RBM19: variants seen among roughly 807,000 people sequenced by gnomAD.
RBM19 encodes the protein probable RNA-binding protein 19.
A neutral mutation model predicts 116.8 loss-of-function variants in RBM19; 94 were observed. That is an observed-to-expected ratio of 0.80 (90% CI 0.68 to 0.95). The LOEUF is 0.95. Ranked by LOEUF, RBM19 falls within the 40% of genes least tolerant of loss-of-function variation. The pLI is 0.00. For synonymous variants in RBM19, 475 were observed against 494.1 expected (o/e 0.96, Z 0.51); for missense variants, 1,161 against 1,220.7 (o/e 0.95, Z 0.73).
rs1363371996 is a variant in RBM19, at chr12:113,903,368, A to G, written c.2558+11601T>C. 1.3e-5 allele frequency among the ~76,000 whole-genome samples: 2 copies of G among 152,246 alleles called. No individual in the cohort carries two copies. Among genetic ancestry groups the G allele is most frequent in the African/African-American group, 4.8e-5 (2 of 41,468 alleles). ...GTAGTCCATTCCTATTTATGGCCGAATAACATTCCATTGTATGAATACACC... is the reference window on the plus strand; with the variant it reads ...GTAGTCCATTCCTATTTATGGCCGAGTAACATTCCATTGTATGAATACACC... On this transcript the variant is annotated intron_variant, in intron 21 of 23. Coordinates refer to ENST00000261741, the MANE Select transcript of RBM19 (RefSeq NM_016196.4). The surrounding 1 kb of genome is among the most constrained non-coding windows in gnomAD (Gnocchi z 5.1).
rs542755210 is a variant in RBM19, at chr12:113,871,880, G to A, written c.2559-12984C>T. ...GCGGACGGGCCCCGCGGGGCCGGAG[G>A]GCAAGGAGCAGCCGCCTGCCTTGGC... On this transcript the variant is annotated intron_variant, in intron 21 of 23. Transcript: ENST00000261741. 8.9e-3 allele frequency among the ~76,000 whole-genome samples: 1,361 copies of A among 152,106 alleles called. 9 individuals carry two copies. The highest frequency in any genetic ancestry group is 0.015 in the Non-Finnish European group (1,047 of 67,966).
intron 1 of RBM19, among the ~76,000 whole-genome samples, chr12:113,963,251 C>T (rs1030703663): frequency 6.6e-6 from 1 of 152,190 alleles, no homozygotes; most frequent in Non-Finnish European, 1.5e-5. Flanking sequence ...AAAAAACTAA[C>T]ACACTATTAT....
At chr12:113,920,571 A>C in intron 19 of RBM19, 40 bp downstream of exon 19, 4 of 1,568,438 alleles carry the variant, frequency 2.6e-6, no homozygotes, top group Non-Finnish European at 3.5e-6. Context: ...ACTACCTGCC[A>C]AGTGCCTCCG....
chr12:113,939,971 C>T lies in RBM19; in HGVS notation c.1927G>A (p.Ala643Thr), dbSNP rs1870408916. The T allele has an allele frequency of 1.9e-6, 3 of 1,613,878 alleles. No individual in the cohort carries two copies. Among genetic ancestry groups the T allele is most frequent in the Non-Finnish European group, 1.7e-6 (2 of 1,180,022 alleles). Residue 643 changes from alanine (A) to threonine (T), a missense_variant, in exon 15 of 24, where the codon GCC (alanine) becomes ACC (threonine). Coordinates refer to ENST00000261741, the MANE Select transcript of RBM19 (RefSeq NM_016196.4). ...LEARKAFRHL[A>T]YSKFHHVPLY... is the part of the protein sequence containing the mutation. ...TCCAGCAGCCCTACCTTGGAATAGG[C>T]CAGATGCCTGAAGGCCTTGCGGGCC...
intron 13 of RBM19, among the ~76,000 whole-genome samples, chr12:113,943,437 C>G (rs942661916): frequency 3.9e-5 from 6 of 152,160 alleles, no homozygotes; most frequent in Non-Finnish European, 8.8e-5. Context: ...CCAAAGTGCT[C>G]TCCGTGGAAA....
intron 10 of RBM19, among the ~76,000 whole-genome samples, chr12:113,947,752 C>T (rs1031825127): frequency 2.6e-5 from 4 of 152,222 alleles, no homozygotes; most frequent in Non-Finnish European, 5.9e-5. Context: ...TGCGTTCATG[C>T]GTGCATAGTG....
downstream of RBM19, among the ~76,000 whole-genome samples, chr12:113,819,068 G>T (rs1287949263): frequency 6.6e-6 from 1 of 152,212 alleles, no homozygotes. Context: ...CTGAACACAA[G>T]CCTCTTGATA....
intron 18 of RBM19, among the ~76,000 whole-genome samples, chr12:113,921,963 G>T (rs1051574345): frequency 3.9e-5 from 6 of 152,186 alleles, no homozygotes; most frequent in African/African-American, 1.4e-4. Flanking sequence ...GCCAGCAAGA[G>T]GCTCTGATCT....
In RBM19 at chr12:113,958,037, G is replaced by C. The variant is rs111629464; in HGVS notation, c.585C>G (p.Leu195=). ...CCTTCTGCACAGCTGCCTTTGGTTC[G>C]AGGCTTGCCTCTTCTGGAAAAACAG... ...AGEDLEEEAS[L]EPKAAVQKEL... is the part of the protein sequence containing the mutation. Residue 195 remains leucine, a synonymous_variant, in exon 6 of 24, where the codon CTC becomes CTG. Transcript: ENST00000261741. 6.8e-5 allele frequency: 109 copies of C among 1,610,378 alleles called. No homozygotes were observed. Among genetic ancestry groups the C allele is most frequent in the Non-Finnish European group, 9.0e-5 (106 of 1,178,322 alleles).
At chr12:113,900,524 G>C (rs1881621209) in intron 21 of RBM19, among the ~76,000 whole-genome samples, 1 of 152,172 alleles carries the variant, frequency 6.6e-6, no homozygotes, top group Non-Finnish European at 1.5e-5. Context: ...AACCCTTCAT[G>C]GAATCATTCA....
chr12:113,925,223 T>G (rs1868960308), intron 17 of RBM19, among the ~76,000 whole-genome samples: 1 of 152,142 alleles, frequency 6.6e-6, no homozygotes, highest in South Asian at 2.1e-4. Flanking sequence ...TTTACCTGGT[T>G]CCCGGCTACG....
chr12:113,902,577 CAACAG>C (rs1397200029), intron 21 of RBM19, among the ~76,000 whole-genome samples: 1 of 108,410 alleles, frequency 9.2e-6, no homozygotes, highest in Non-Finnish European at 1.8e-5. Flanking sequence ...CTAGCCTGGA[CAACAG>C]AATGAGACCC....
chr12:113,863,549 C>A (rs1333768893), intron 21 of RBM19, among the ~76,000 whole-genome samples: 1 of 152,164 alleles, frequency 6.6e-6, no homozygotes, highest in Non-Finnish European at 1.5e-5. Context: ...AAGTGGGGGT[C>A]AAACCTAGGG....
At chr12:113,876,543 C>A (rs1879681462) in intron 21 of RBM19, among the ~76,000 whole-genome samples, 1 of 152,132 alleles carries the variant, frequency 6.6e-6, no homozygotes. Context: ...GTAATCCCAG[C>A]ACTTTGGGAG....
In RBM19 at chr12:113,822,995, T is replaced by C. The variant is rs1397472174; in HGVS notation, c.*229A>G. On this transcript the variant is annotated 3_prime_UTR_variant, in exon 24 of 24. Coordinates refer to ENST00000261741, the MANE Select transcript of RBM19 (RefSeq NM_016196.4). ...TGTCTGCTACAGAGCAGGTGCGCAG[T>C]CAGTGTCTGCTAGAACGCGTCACTG... is the stretch of plus-strand genomic sequence containing the variant. The C allele has an allele frequency of 3.7e-6, 2 of 545,024 alleles. No homozygotes were observed. Among genetic ancestry groups the C allele is most frequent in the East Asian group, 6.4e-5 (2 of 31,242 alleles). The allele number at this position is 545,024 out of a possible 1,614,324, so 33.8% of individuals were successfully genotyped here. A position where few individuals can be genotyped will look rare whatever the true frequency, so the allele number is the denominator to read the frequency against.
intron 21 of RBM19, among the ~76,000 whole-genome samples, chr12:113,881,142 C>T (rs1740712182): frequency 6.6e-6 from 1 of 152,180 alleles, no homozygotes; most frequent in Non-Finnish European, 1.5e-5. Flanking sequence ...GGAACACGCA[C>T]TGTCTTGGAT....
intron 23 of RBM19, among the ~76,000 whole-genome samples, chr12:113,838,671 T>G (rs1038781674): frequency 6.6e-6 from 1 of 152,222 alleles, no homozygotes; most frequent in Admixed American, 6.5e-5. Flanking sequence ...GGCCGCCAAG[T>G]AAGGCTTGAC....
At chr12:113,884,943 A>G (rs1880421587) in intron 21 of RBM19, among the ~76,000 whole-genome samples, 2 of 152,142 alleles carry the variant, frequency 1.3e-5, no homozygotes, top group South Asian at 4.2e-4. Flanking sequence ...ATAAATAACT[A>G]TGAGGAAACG....
intron 21 of RBM19, among the ~76,000 whole-genome samples, chr12:113,876,187 A>G (rs1440992619): frequency 6.6e-6 from 1 of 152,232 alleles, no homozygotes; most frequent in African/African-American, 2.4e-5. Flanking sequence ...TGTGTTTCCT[A>G]TATCTGGGTG....
Sources: allele counts gnomAD v4.1 joint callset (sites outside exome capture counted in the v4.1 genomes callset), GRCh38; gene constraint gnomAD v4.1.1; non-coding constraint Gnocchi (gnomAD v3.1); transcripts MANE v1.5; gene names NCBI Gene and HGNC (gene_info 2026-07-23, HGNC 2026-07-21).